The following CDC42SE2 variants were observed in gnomAD, a reference collection of about 807,000 sequenced individuals.
CDC42SE2 encodes CDC42 small effector protein 2.
A neutral mutation model predicts 11.5 loss-of-function variants in CDC42SE2; 3 were observed. The ratio of observed to expected loss-of-function variants is 0.26; its 90% CI spans 0.12 to 0.67. The LOEUF is 0.67. Among genes scored for constraint, CDC42SE2 ranks in the 30% least tolerant of loss-of-function variants. The pLI, the probability that CDC42SE2 is intolerant of heterozygous loss-of-function variation, is 0.80. For missense variants in CDC42SE2, 82 were observed against 106.8 expected (o/e 0.77, Z 1.02); for synonymous variants, 33 against 34.8 (o/e 0.95, Z 0.18).
rs1176246022 is a variant in CDC42SE2, at chr5:131,393,894, A to C, written c.*2803A>C. On this transcript the variant is annotated 3_prime_UTR_variant, in exon 5 of 5. Coordinates refer to ENST00000505065, the MANE Select transcript of CDC42SE2 (RefSeq NM_001375635.1). ...GGAGCAGATCTCCATGGTAAGCCAA[A>C]AGTGGACTTGTCAGCCTATAACTAC... The C allele has an allele frequency of 1.3e-5, 2 of 149,982 alleles. No homozygotes were observed. Among genetic ancestry groups the C allele is most frequent in the African/African-American group, 5.0e-5 (2 of 40,340 alleles). 9.3% of individuals were successfully genotyped at this position (149,982 alleles called of 1,614,324 possible). A position where few individuals can be genotyped will look rare whatever the true frequency, so the allele number is the denominator to read the frequency against.
chr5:131,321,889 C>T (rs553119028), intron 2 of CDC42SE2, among the ~76,000 whole-genome samples: 28 of 152,302 alleles, frequency 1.8e-4, no homozygotes, highest in African/African-American at 6.5e-4. Context: ...CTCGCTGTGT[C>T]GCCCAGGCTG....
At position 131,249,263 on chromosome 5, in the gene CDC42SE2, C is replaced by T. The variant is rs185519580; in HGVS notation, n.107+3664C>T. ...AAACTCCTGACCTCAGGCAATCTGC[C>T]CACCTCAGCCTTCCAAAGCTCTGGG... On this transcript the variant is annotated intron_variant and non_coding_transcript_variant, in intron 1 of 3. Coordinates refer to the CDC42SE2 transcript ENST00000502840. Among the ~76,000 whole-genome samples, 29 of 152,220 alleles carry T rather than the reference C, an allele frequency of 1.9e-4. No homozygotes were observed. The East Asian group carries it at 5.0e-3, about 26-fold the overall frequency.
the CDC42SE2 span, among the ~76,000 whole-genome samples, chr5:131,232,000 G>A: frequency 6.6e-6 from 1 of 152,078 alleles, no homozygotes; most frequent in Admixed American, 6.6e-5. Context: ...ACGTTGGCCA[G>A]GCTGGTCTCA....
intron 1 of CDC42SE2, among the ~76,000 whole-genome samples, chr5:131,311,611 G>A (rs1272447512): frequency 1.3e-5 from 2 of 152,076 alleles, no homozygotes; most frequent in East Asian, 3.9e-4. Flanking sequence ...TTTTCACATA[G>A]TCCCATATTT....
exon 1 of CDC42SE2, chr5:131,245,509 T>G (rs1456162283): frequency 1.3e-5 from 2 of 152,238 alleles, no homozygotes; most frequent in Non-Finnish European, 2.9e-5. Context: ...TGTCACACAC[T>G]GCTGTCCCCT....
At chr5:131,259,688 T>C (rs1290867976), upstream of CDC42SE2, among the ~76,000 whole-genome samples, 1 of 152,216 alleles carries the variant, frequency 6.6e-6, no homozygotes, top group African/African-American at 2.4e-5. Context: ...TAGACACAAC[T>C]GAGAATGAAA....
At chr5:131,376,520 CA>C (rs1180494173) in intron 3 of CDC42SE2, among the ~76,000 whole-genome samples, 7 of 152,028 alleles carry the variant, frequency 4.6e-5, no homozygotes, top group South Asian at 2.1e-4. Context: ...CTTTGAGGTT[CA>C]GGGGGTACAT....
chr5:131,306,736 T>C (rs1757785727), intron 1 of CDC42SE2, among the ~76,000 whole-genome samples: 2 of 152,202 alleles, frequency 1.3e-5, no homozygotes, highest in African/African-American at 2.4e-5. Flanking sequence ...GGGATACCAT[T>C]ATATTTATTT....
the CDC42SE2 span, among the ~76,000 whole-genome samples, chr5:131,226,428 G>A: frequency 6.6e-6 from 1 of 152,152 alleles, no homozygotes; most frequent in Non-Finnish European, 1.5e-5. Flanking sequence ...ATAAAGAGGA[G>A]GCCAAGTTCC....
intron 1 of CDC42SE2, among the ~76,000 whole-genome samples, chr5:131,295,703 G>A (rs937971991): frequency 3.4e-5 from 5 of 147,196 alleles, no homozygotes; most frequent in African/African-American, 1.3e-4. Flanking sequence ...TTTTTTTTGA[G>A]ACAGAGTCTT....
intron 2 of CDC42SE2, among the ~76,000 whole-genome samples, chr5:131,325,484 GTT>G (rs34758151): frequency 7.0e-6 from 1 of 142,890 alleles, no homozygotes. Context: ...CCATTAAGTG[GTT>G]TTTTTTTTTT....
the CDC42SE2 span, among the ~76,000 whole-genome samples, chr5:131,232,139 G>A: frequency 6.6e-6 from 1 of 150,470 alleles, no homozygotes; most frequent in Non-Finnish European, 1.5e-5. Context: ...TTGAGACAGG[G>A]TCTTACTCCA....
intron 1 of CDC42SE2, among the ~76,000 whole-genome samples, chr5:131,265,247 G>A (rs2149688708): frequency 6.6e-6 from 1 of 152,236 alleles, no homozygotes; most frequent in African/African-American, 2.4e-5. Context: ...TTTGGTTTGA[G>A]AGAAGTTGGT....
chr5:131,256,042 AG>A (rs1756677414), intron 2 of CDC42SE2, among the ~76,000 whole-genome samples: 1 of 152,190 alleles, frequency 6.6e-6, no homozygotes, highest in Admixed American at 6.5e-5. Context: ...CTTTTTACTA[AG>A]GGACTTTGTC....
At position 131,392,910 on chromosome 5, in the gene CDC42SE2, C is replaced by T. The variant is rs1750707473; in HGVS notation, c.*1819C>T. The T allele has an allele frequency of 6.6e-6, 1 of 152,344 alleles. No individual in the cohort carries two copies. Among genetic ancestry groups the T allele is most frequent in the South Asian group, 2.1e-4 (1 of 4,834 alleles). 9.4% of individuals were successfully genotyped at this position (152,344 alleles called of 1,614,324 possible). ...GGGCCACATCAGTTGCCAAGAGCAA[C>T]ATACATACCGACCTGGCTGAATTAT... On this transcript the variant is annotated 3_prime_UTR_variant, in exon 5 of 5. Coordinates refer to ENST00000505065, the MANE Select transcript of CDC42SE2 (RefSeq NM_001375635.1).
chr5:131,333,375 T>C (rs1210178158), intron 2 of CDC42SE2, among the ~76,000 whole-genome samples: 1 of 152,210 alleles, frequency 6.6e-6, no homozygotes, highest in East Asian at 1.9e-4. Context: ...TGTAGCCTTG[T>C]AGTATAGTTT....
At chr5:131,389,342 A>C (rs1750582613) in intron 4 of CDC42SE2, among the ~76,000 whole-genome samples, 1 of 152,108 alleles carries the variant, frequency 6.6e-6, no homozygotes, top group African/African-American at 2.4e-5. Flanking sequence ...TTTAAAAAAC[A>C]AACAAACAAA....
chr5:131,311,100 T>C (rs1475269070), intron 1 of CDC42SE2, among the ~76,000 whole-genome samples: 1 of 152,148 alleles, frequency 6.6e-6, no homozygotes, highest in Non-Finnish European at 1.5e-5. Flanking sequence ...TTTCCATGTT[T>C]AGTGCTTCCT....
the CDC42SE2 span, among the ~76,000 whole-genome samples, chr5:131,238,157 G>A: frequency 0.082 from 12,458 of 151,610 alleles, 1,112 homozygotes; most frequent in African/African-American, 0.22. Context: ...AGGGCAAGGG[G>A]AGGGAGAGCA....
Sources: allele counts gnomAD v4.1 joint callset (sites outside exome capture counted in the v4.1 genomes callset), GRCh38; gene constraint gnomAD v4.1.1; transcripts MANE v1.5; gene names NCBI Gene and HGNC (gene_info 2026-07-23, HGNC 2026-07-21).